UNC80: variants seen among roughly 807,000 people sequenced by gnomAD.
UNC80 encodes the protein unc-80 subunit of NALCN channel complex.
Under a neutral mutation model 384.6 loss-of-function variants are expected in UNC80, and 164 were observed. That is an observed-to-expected ratio of 0.43 (90% CI 0.38 to 0.49). UNC80 has a LOEUF of 0.49. UNC80 is among the 20% of genes least tolerant of loss of function. The probability of loss-of-function intolerance (pLI) is 0.00; values close to 1 mark genes in which losing one functional copy is unlikely to be tolerated. For synonymous variants in UNC80, 1,486 were observed against 1,527.8 expected (o/e 0.97, Z 0.64); for missense variants, 3,330 against 4,143.0 (o/e 0.80, Z 5.39).
At chr2:209,954,351 G>T in intron 48 of UNC80, 81 bp downstream of exon 48, 1 of 1,331,566 alleles carries the variant, frequency 7.5e-7, no homozygotes, top group South Asian at 2.1e-5. Context: ...AAAATGTGAT[G>T]GATAAAAATC....
intron 17 of UNC80, among the ~76,000 whole-genome samples, chr2:209,834,593 C>G (rs1331188730): frequency 6.6e-6 from 1 of 152,022 alleles, no homozygotes; most frequent in Middle Eastern, 3.2e-3. Flanking sequence ...GTTGTTTTTC[C>G]TTCTAGTAAA....
intron 14 of UNC80, among the ~76,000 whole-genome samples, chr2:209,828,403 A>G (rs1043438550): frequency 2.6e-5 from 4 of 152,188 alleles, no homozygotes; most frequent in Non-Finnish European, 5.9e-5. Context: ...GAAAAATGAA[A>G]AATGTATCAA....
intron 28 of UNC80, among the ~76,000 whole-genome samples, chr2:209,899,192 A>G (rs1484669253): frequency 2.6e-5 from 4 of 152,178 alleles, no homozygotes; most frequent in South Asian, 2.1e-4. Flanking sequence ...TATATTGACT[A>G]AACATGGTGT....
rs201978349 is a variant in UNC80, at chr2:209,793,792, C to A, written c.871C>A (p.Arg291=). 9 of 1,614,100 alleles carry A rather than the reference C, an allele frequency of 5.6e-6. No homozygotes were observed. Among genetic ancestry groups the A allele is most frequent in the Non-Finnish European group, 6.8e-6 (8 of 1,179,990 alleles). ...SPKATISGCH[R]GNSFDGSLSS... ...CAAGGCCACCATTTCAGGCTGTCAC[C>A]GAGGAAACTCCTTTGATGGAAGTCT... The change falls in exon 7 of 65, where the codon CGA becomes AGA. Residue 291 remains arginine (R), a synonymous_variant. Transcript: ENST00000673920.
chr2:209,992,142 A>G lies in UNC80; in HGVS notation c.9315-24A>G, dbSNP rs368464940. The G allele has an allele frequency of 3.2e-6, 5 of 1,549,750 alleles. No individual in the cohort carries two copies. The African/African-American group carries it at 5.5e-5, about 17-fold the overall frequency. The stretch of plus-strand genomic sequence containing the variant: ...GTCTCCTGTACTCTCTCCGGGGTAC[A>G]CTAACACTGTTGATGCTTGGCAGGG... On this transcript the variant is annotated intron_variant, in intron 61 of 64. Coordinates refer to ENST00000673920, the MANE Select transcript of UNC80 (RefSeq NM_001371986.1).
At chr2:209,842,509 AGATT>A in intron 21 of UNC80, 63 bp downstream of exon 21, 3 of 1,151,528 alleles carry the variant, frequency 2.6e-6, no homozygotes, top group Non-Finnish European at 3.7e-6. Flanking sequence ...AAACTTGATT[AGATT>A]AAGTGGTCCA....
At position 209,976,162 on chromosome 2, in the gene UNC80, C is replaced by G. The variant is rs2093008718; in HGVS notation, c.8631C>G (p.Ser2877Arg). ...ILVCFERQLG[S>R]QWYWLSLQVK... Reference sequence around the variant, plus strand: ...TCTGCTTTGAGAGGCAGCTCGGAAGCCAGTGGTACTGGCTGAGCCTCCAGG... The same window carrying G: ...TCTGCTTTGAGAGGCAGCTCGGAAGGCAGTGGTACTGGCTGAGCCTCCAGG... The change falls in exon 57 of 65, where the codon AGC becomes AGG. Residue 2877 changes from serine (S) to arginine (R), a missense_variant. Ser to Arg is a moderately radical substitution (Grantham distance 110, BLOSUM62 -1). Coordinates refer to ENST00000673920, the MANE Select transcript of UNC80 (RefSeq NM_001371986.1). The surrounding 1 kb of genome is among the most constrained non-coding windows in gnomAD (Gnocchi z 4.3). 2 of 1,551,496 alleles carry G rather than the reference C, an allele frequency of 1.3e-6. No homozygotes were observed. Among genetic ancestry groups the G allele is most frequent in the Non-Finnish European group, 1.7e-6 (2 of 1,146,976 alleles).
At chr2:209,808,408 C>T (rs1398436107) in intron 7 of UNC80, among the ~76,000 whole-genome samples, 2 of 150,902 alleles carry the variant, frequency 1.3e-5, no homozygotes, top group Non-Finnish European at 2.9e-5. Flanking sequence ...ACTAAAAATA[C>T]AAAAATTAGC....
At chr2:209,789,705 C>G in intron 6 of UNC80, 100 bp downstream of exon 6, 1 of 772,940 alleles carries the variant, frequency 1.3e-6, no homozygotes, top group Non-Finnish European at 2.1e-6. Flanking sequence ...CTACCAGGCT[C>G]AAAGCCACTC....
intron 12 of UNC80, among the ~76,000 whole-genome samples, chr2:209,819,911 T>C (rs1462607803): frequency 2.6e-5 from 4 of 152,246 alleles, no homozygotes; most frequent in African/African-American, 9.6e-5. Context: ...CATTGTTCTT[T>C]ATCCATTATT....
At position 209,921,551 on chromosome 2, in the gene UNC80, A is replaced by G. The variant is rs1355893797; in HGVS notation, c.5395A>G (p.Ile1799Val). ...CCGCTCCCATCAAAGGGCAGAACAC[A>G]TCTTAAAGAACTTGCAGCAGGAGGA... ...VSRSHQRAEH[I>V]LKNLQQEEEK... The change falls in exon 34 of 65, where the codon ATC (isoleucine) becomes GTC (valine). Residue 1799 changes from isoleucine (I) to valine (V), a missense_variant. By Grantham distance (29) the Ile-to-Val change is conservative. Around this residue, in one of 8 missense-constraint regions of UNC80, gnomAD observed 1,049 missense variants for 1,488.6 expected, o/e 0.70. Transcript: ENST00000673920. The G allele has an allele frequency of 1.3e-6, 2 of 1,551,532 alleles. No homozygotes were observed. Among genetic ancestry groups the G allele is most frequent in the Non-Finnish European group, 1.7e-6 (2 of 1,146,822 alleles).
chr2:209,953,416 CAAAAA>C (rs543990253), intron 47 of UNC80, among the ~76,000 whole-genome samples: 1,488 of 42,310 alleles, frequency 0.035, 26 homozygotes, highest in African/African-American at 0.11. Context: ...AAGACTCTGT[CAAAAA>C]AAAAAAAAAA....
chr2:209,789,070 A>G (rs770622051), intron 5 of UNC80, among the ~76,000 whole-genome samples: 1 of 150,798 alleles, frequency 6.6e-6, no homozygotes, highest in South Asian at 2.1e-4. Context: ...GCACTAGGCT[A>G]TGTCATATAG....
chr2:209,876,691 A>G lies in UNC80; in HGVS notation c.3841-1263A>G, dbSNP rs1435868811. 2.6e-5 allele frequency among the ~76,000 whole-genome samples: 4 copies of G among 152,170 alleles called. No individual in the cohort carries two copies. The East Asian group carries it at 5.8e-4, about 22-fold the overall frequency. On this transcript the variant is annotated intron_variant, in intron 23 of 64. Coordinates refer to ENST00000673920, the MANE Select transcript of UNC80 (RefSeq NM_001371986.1). ...AGAGGATCTCCAAAATAGCAGCACCAAGATAAGTCTTTTTGTTGTGGTGGT... is the reference window on the plus strand; with the variant it reads ...AGAGGATCTCCAAAATAGCAGCACCGAGATAAGTCTTTTTGTTGTGGTGGT...
Position 209,772,005 on chromosome 2 carries a change from A to AGGC in UNC80, c.-55_-53dup, listed in dbSNP as rs1406754765. 36 of 1,149,290 alleles carry AGGC rather than the reference A, an allele frequency of 3.1e-5. No homozygotes were observed. The highest frequency in any genetic ancestry group is 1.4e-4 in the Admixed American group (7 of 49,818). The allele number at this position is 1,149,290 out of a possible 1,614,324, so 71.2% of individuals were successfully genotyped here. ...GATGAGAGTTGGGAGCAGCGGGAGGAGGCGGCGGCGGCGGCTAGCGAGGAG... is the reference window on the plus strand; with the variant it reads ...GATGAGAGTTGGGAGCAGCGGGAGGAGGCGGCGGCGGCGGCGGCTAGCGAGGAG... On this transcript the variant is annotated 5_prime_UTR_variant, in exon 1 of 65. Coordinates refer to ENST00000673920, the MANE Select transcript of UNC80 (RefSeq NM_001371986.1).
At chr2:209,848,593 CA>C (rs2082316176) in intron 21 of UNC80, among the ~76,000 whole-genome samples, 1 of 152,120 alleles carries the variant, frequency 6.6e-6, no homozygotes, top group African/African-American at 2.4e-5. Context: ...TATTGTACAA[CA>C]AATCACAGAC....
At chr2:209,790,052 G>A (rs2077698593) in intron 6 of UNC80, among the ~76,000 whole-genome samples, 1 of 152,008 alleles carries the variant, frequency 6.6e-6, no homozygotes, top group Non-Finnish European at 1.5e-5. Context: ...TTATAAGATA[G>A]TCCTACCCCT....
chr2:209,935,206 A>C (rs1326516744), intron 39 of UNC80, among the ~76,000 whole-genome samples: 3 of 152,202 alleles, frequency 2.0e-5, no homozygotes, highest in Admixed American at 6.5e-5. Flanking sequence ...CTAAATAAAT[A>C]TGTCTCTTAA....
chr2:209,884,826 T>G (rs1318674957), intron 25 of UNC80, among the ~76,000 whole-genome samples: 1 of 152,038 alleles, frequency 6.6e-6, no homozygotes, highest in African/African-American at 2.4e-5. Flanking sequence ...ATGTTCTCAC[T>G]TATAAGTGGG....
Sources: allele counts gnomAD v4.1 joint callset (sites outside exome capture counted in the v4.1 genomes callset), GRCh38; gene constraint gnomAD v4.1.1; regional missense constraint gnomAD v4.1.1; non-coding constraint Gnocchi (gnomAD v3.1); transcripts MANE v1.5; gene names NCBI Gene and HGNC (gene_info 2026-07-23, HGNC 2026-07-21).